The following PSD3 variants were observed in gnomAD, a reference collection of about 807,000 sequenced individuals.
The protein encoded by PSD3 is PH and SEC7 domain-containing protein 3.
PSD3 carries 49 observed loss-of-function variants against 105.5 expected under a neutral mutation model. The ratio of observed to expected loss-of-function variants is 0.46; its 90% CI spans 0.37 to 0.59. PSD3 has a LOEUF of 0.59. Ranked by LOEUF, PSD3 falls within the 20% of genes least tolerant of loss-of-function variation. The pLI is 0.00. For synonymous variants in PSD3, 557 were observed against 457.8 expected, an observed-to-expected ratio of 1.22 and a Z score of -2.77; for missense variants, 1,561 against 1,263.8, an observed-to-expected ratio of 1.24 and a Z score of -3.57.
intron 12 of PSD3, among the ~76,000 whole-genome samples, chr8:18,590,717 G>A (rs888880893): frequency 6.6e-6 from 1 of 152,018 alleles, no homozygotes; most frequent in Admixed American, 6.6e-5. Context: ...GAAAGTGGGG[G>A]AAAAGTTAAA....
At chr8:18,631,560 G>T (rs1455669828) in intron 11 of PSD3, among the ~76,000 whole-genome samples, 1 of 151,960 alleles carries the variant, frequency 6.6e-6, no homozygotes, top group Non-Finnish European at 1.5e-5. Context: ...GTACGTCCTG[G>T]TGACAATCCA....
In PSD3 at chr8:18,530,707, T is replaced by C; in HGVS notation, c.*5036A>G. ...TGCCTTTTTTTTTTTTTTTCTTTTC[T>C]TTCTGTATTTCCCAAATTACAGGGA... On this transcript the variant is annotated 3_prime_UTR_variant, in exon 16 of 16. Coordinates refer to ENST00000327040, the MANE Select transcript of PSD3 (RefSeq NM_015310.4). 1 of 152,266 alleles carries C rather than the reference T, an allele frequency of 6.6e-6. No individual in the cohort carries two copies. The highest frequency in any genetic ancestry group is 2.4e-5 in the African/African-American group (1 of 41,384). 9.4% of individuals were successfully genotyped at this position (152,266 alleles called of 1,614,324 possible). A position where few individuals can be genotyped will look rare whatever the true frequency, so the allele number is the denominator to read the frequency against.
intron 1 of PSD3, among the ~76,000 whole-genome samples, chr8:19,012,331 G>C (rs1237525008): frequency 6.6e-6 from 1 of 152,242 alleles, no homozygotes; most frequent in African/African-American, 2.4e-5. Context: ...TGTTGAGCAT[G>C]TTGCACTTTT....
rs915379319 is a variant in PSD3, at chr8:18,669,369, A to T, written c.2173-13684T>A. Among the ~76,000 whole-genome samples the T allele has an allele frequency of 2.6e-5, 4 of 152,244 alleles. No homozygotes were observed. The East Asian group carries it at 7.7e-4, about 29-fold the overall frequency. ...TAGACTTACATGCTTATAAGGTTGA[A>T]TTTGTAAATTAGGGACAGAAAGAAA... On this transcript the variant is annotated intron_variant, in intron 9 of 15. Transcript: ENST00000327040.
intron 1 of PSD3, among the ~76,000 whole-genome samples, chr8:19,027,777 G>T (rs369034302): frequency 1.3e-5 from 2 of 152,056 alleles, no homozygotes; most frequent in South Asian, 4.1e-4. Context: ...TGGATCTTTA[G>T]TCATTCCTCT....
chr8:18,563,547 T>G (rs551531864), intron 14 of PSD3, among the ~76,000 whole-genome samples: 1 of 152,276 alleles, frequency 6.6e-6, no homozygotes, highest in East Asian at 1.9e-4. Context: ...TTGAGTCAGT[T>G]TGAGGGAGGC....
At chr8:18,612,026 C>G (rs959636863) in intron 11 of PSD3, among the ~76,000 whole-genome samples, 2 of 152,076 alleles carry the variant, frequency 1.3e-5, no homozygotes, top group East Asian at 3.9e-4. Context: ...TAAATGAACT[C>G]TTTTAAATTG....
At position 18,536,211 on chromosome 8, in the gene PSD3, G is replaced by C. The variant is rs1799838563; in HGVS notation, c.2929-253C>G. 2.6e-5 allele frequency among the ~76,000 whole-genome samples: 4 copies of C among 152,154 alleles called. No individual in the cohort carries two copies. The South Asian group carries it at 8.3e-4, about 32-fold the overall frequency. ...CTAGATTCTGACAGAATGTCAACTT[G>C]GAGTTGCTGGCTACCAGATGGAACA... On this transcript the variant is annotated intron_variant, in intron 15 of 15. Coordinates refer to ENST00000327040, the MANE Select transcript of PSD3 (RefSeq NM_015310.4).
chr8:18,694,406 C>A (rs552786837), intron 9 of PSD3, among the ~76,000 whole-genome samples: 1 of 152,216 alleles, frequency 6.6e-6, no homozygotes, highest in Non-Finnish European at 1.5e-5. Context: ...GTCAGCAGAT[C>A]GAGACCATCC....
In PSD3 at chr8:18,964,414, T is replaced by C. The variant is rs544356295; in HGVS notation, c.22-28272A>G. On this transcript the variant is annotated intron_variant, in intron 1 of 15. Coordinates refer to ENST00000327040, the MANE Select transcript of PSD3 (RefSeq NM_015310.4). ...GCTGGGATTACAGGTGTGAGCTACATTGCCTGGCCATTAATAACTCTTGTT... is the reference window on the plus strand; with the variant it reads ...GCTGGGATTACAGGTGTGAGCTACACTGCCTGGCCATTAATAACTCTTGTT... Among the ~76,000 whole-genome samples the C allele has an allele frequency of 7.2e-5, 11 of 152,208 alleles. No individual in the cohort carries two copies. The East Asian group carries it at 9.7e-4, about 13-fold the overall frequency.
intron 2 of PSD3, among the ~76,000 whole-genome samples, chr8:18,905,316 TCTC>T (rs1819769514): frequency 1.3e-5 from 2 of 152,162 alleles, no homozygotes; most frequent in South Asian, 2.1e-4. Flanking sequence ...CTCAGTGACT[TCTC>T]CTCTCCTTTT....
Position 18,688,700 on chromosome 8 carries a change from G to C in PSD3, c.2173-33015C>G, listed in dbSNP as rs565333014. ...CTTATCACCCACAATCATGGTGTTA[G>C]GTACATATGGGGTTCACAACTAGAT... On this transcript the variant is annotated intron_variant, in intron 9 of 15. Transcript: ENST00000327040. Among the ~76,000 whole-genome samples the C allele has an allele frequency of 2.0e-5, 3 of 152,206 alleles. No homozygotes were observed. In the East Asian group the frequency reaches 5.8e-4, roughly 29 times the overall value.
At chr8:18,838,827 A>AATAATAATC (rs1554518286) in intron 4 of PSD3, among the ~76,000 whole-genome samples, 1 of 146,928 alleles carries the variant, frequency 6.8e-6, no homozygotes, top group Admixed American at 6.8e-5. Flanking sequence ...TAATAATAAT[A>AATAATAATC]ATAATAATAA....
intron 1 of PSD3, among the ~76,000 whole-genome samples, chr8:19,046,420 C>A (rs567010138): frequency 1.0e-3 from 154 of 152,170 alleles, no homozygotes; most frequent in Admixed American, 4.2e-3. Context: ...GTAACTAGAT[C>A]TTATACTTCT....
chr8:18,740,190 C>T (rs1329763227), intron 9 of PSD3, among the ~76,000 whole-genome samples: 3 of 152,134 alleles, frequency 2.0e-5, no homozygotes, highest in East Asian at 1.9e-4. Flanking sequence ...GTCTGATCTC[C>T]GACTGGCCCG....
At chr8:18,829,515 G>A (rs925321074) in intron 4 of PSD3, among the ~76,000 whole-genome samples, 5 of 152,264 alleles carry the variant, frequency 3.3e-5, no homozygotes, top group Non-Finnish European at 1.5e-5. Flanking sequence ...GATTTGCTGC[G>A]TTTGGCTGAC....
intron 9 of PSD3, among the ~76,000 whole-genome samples, chr8:18,667,219 G>C (rs1302371337): frequency 6.6e-6 from 1 of 152,106 alleles, no homozygotes; most frequent in African/African-American, 2.4e-5. Context: ...CGATTACTCT[G>C]TTTTACAGAG....
At chr8:18,938,562 G>C (rs1250438491) in intron 1 of PSD3, among the ~76,000 whole-genome samples, 1 of 149,658 alleles carries the variant, frequency 6.7e-6, no homozygotes, top group Non-Finnish European at 1.5e-5. Context: ...CGTGGAGGTT[G>C]CAGTGAACCG....
intron 9 of PSD3, among the ~76,000 whole-genome samples, chr8:18,719,077 C>G (rs1335729261): frequency 6.6e-6 from 1 of 151,802 alleles, no homozygotes; most frequent in African/African-American, 2.4e-5. Context: ...AAGGAAAAAG[C>G]TAAGACAGAG....
Sources: gnomAD v4.1 joint callset for allele counts (sites outside exome capture counted in the v4.1 genomes callset) on GRCh38, gnomAD v4.1.1 for gene constraint, MANE v1.5 for transcripts, NCBI Gene and HGNC (gene_info 2026-07-23, HGNC 2026-07-21) for gene names.